Variants in MGA observed in about 807,000 individuals in gnomAD.
MGA encodes the protein MAX gene-associated protein.
Under a neutral mutation model 261.1 loss-of-function variants are expected in MGA, and 40 were observed. The ratio of observed to expected loss-of-function variants is 0.15; its 90% CI spans 0.12 to 0.20. The LOEUF (loss-of-function observed/expected upper bound fraction) is 0.20. Among genes scored for constraint, MGA ranks in the 10% least tolerant of loss-of-function variants. The pLI, the probability that MGA is intolerant of heterozygous loss-of-function variation, is 1.00. For missense variants in MGA, 3,397 were observed against 3,630.5 expected (o/e 0.94, Z 1.65); for synonymous variants, 1,302 against 1,290.6 (o/e 1.01, Z -0.19).
chr15:41,766,563 C>T lies in MGA; in HGVS notation c.8481C>T (p.Leu2827=). 6.2e-7 allele frequency: 1 copy of T among 1,613,940 alleles called. No individual in the cohort carries two copies. Among genetic ancestry groups the T allele is most frequent in the Non-Finnish European group, 8.5e-7 (1 of 1,179,860 alleles). The change falls in exon 24 of 24, where the codon CTC becomes CTT. Residue 2827 remains leucine, a synonymous_variant. Coordinates refer to ENST00000219905, the MANE Select transcript of MGA (RefSeq NM_001164273.2). ...CTGATGAGACACTGACTTCACTGCT[C>T]AATGAAATTGCCTTTCTTAATCAAC...
intron 2 of MGA, among the ~76,000 whole-genome samples, chr15:41,673,170 G>A (rs2150994953): frequency 6.6e-6 from 1 of 152,050 alleles, no homozygotes; most frequent in East Asian, 1.9e-4. Context: ...ATTACATGAA[G>A]GTTATTTCCT....
chr15:41,765,930 AT>A (rs2063775599), intron 23 of MGA, 73 bp from the exon 24 acceptor site: 1 of 1,231,814 alleles, frequency 8.1e-7, no homozygotes, highest in African/African-American at 1.5e-5. Flanking sequence ...TGGTTATATG[AT>A]ATGACAGAGA....
intron 1 of MGA, among the ~76,000 whole-genome samples, chr15:41,635,382 G>A (rs1027803446): frequency 6.8e-6 from 1 of 148,090 alleles, no homozygotes; most frequent in African/African-American, 2.4e-5. Flanking sequence ...GCGGAGATGA[G>A]ACACTAGACA....
chr15:41,667,320 C>T (rs1000148127), intron 1 of MGA, among the ~76,000 whole-genome samples: 86 of 151,782 alleles, frequency 5.7e-4, no homozygotes, highest in African/African-American at 2.0e-3. Context: ...CATCTTGGCT[C>T]GCTGCAACTC....
intron 12 of MGA, among the ~76,000 whole-genome samples, chr15:41,735,906 A>G (rs550155428): frequency 1.7e-4 from 26 of 152,302 alleles, no homozygotes; most frequent in African/African-American, 6.3e-4. Context: ...TTTGTTTGCA[A>G]GCTAACTCTA....
chr15:41,702,376 G>C (rs2059900378), intron 5 of MGA, among the ~76,000 whole-genome samples: 1 of 151,612 alleles, frequency 6.6e-6, no homozygotes, highest in Non-Finnish European at 1.5e-5. Flanking sequence ...AAGTTAATTT[G>C]GCTAAATATT....
chr15:41,678,634 G>T (rs1486977888), intron 2 of MGA, among the ~76,000 whole-genome samples: 1 of 151,500 alleles, frequency 6.6e-6, no homozygotes, highest in Admixed American at 6.6e-5. Context: ...GGGCATGGTG[G>T]CGCACACCTG....
At chr15:41,641,607 A>G (rs2056821456) in intron 1 of MGA, among the ~76,000 whole-genome samples, 2 of 150,008 alleles carry the variant, frequency 1.3e-5, no homozygotes, top group South Asian at 4.2e-4. Context: ...CTCCTGCCTC[A>G]GCCTCCCGAG....
In MGA at chr15:41,696,107, G is replaced by C; in HGVS notation, c.1097G>C (p.Arg366Pro). 6.2e-7 allele frequency: 1 copy of C among 1,612,862 alleles called. No homozygotes were observed. ...GCCAGCAGTTTTGAAGATGACTCCC[G>C]TGTAGCCTCACCGTTAGACCAGAAC... Residue 366 changes from arginine (R) to proline (P), a missense_variant, in exon 3 of 24, where the codon CGT (arginine) becomes CCT (proline). Around this residue, in one of 9 missense-constraint regions of MGA, gnomAD observed 563 missense variants for 563.6 expected, o/e 1.00. Transcript: ENST00000219905.
chr15:41,633,514 A>G (rs2056636998), intron 1 of MGA, among the ~76,000 whole-genome samples: 1 of 152,044 alleles, frequency 6.6e-6, no homozygotes, highest in African/African-American at 2.4e-5. Context: ...GATGTTACAG[A>G]AAAAAATAAA....
At chr15:41,677,406 G>A (rs1370439042) in intron 2 of MGA, among the ~76,000 whole-genome samples, 1 of 152,204 alleles carries the variant, frequency 6.6e-6, no homozygotes, top group African/African-American at 2.4e-5. Context: ...CCTCTCAAGT[G>A]CTGGATTACA....
chr15:41,758,795 CAG>C (rs1308010814), intron 19 of MGA, among the ~76,000 whole-genome samples: 2 of 151,962 alleles, frequency 1.3e-5, no homozygotes, highest in Middle Eastern at 3.2e-3. Flanking sequence ...TGGTTACGGT[CAG>C]AGTTACGATT....
chr15:41,649,761 C>T (rs1163387743), intron 1 of MGA, among the ~76,000 whole-genome samples: 1 of 152,182 alleles, frequency 6.6e-6, no homozygotes, highest in African/African-American at 2.4e-5. Flanking sequence ...CTCACTGCAA[C>T]CTCCGCCTCC....
Position 41,767,629 on chromosome 15 carries a change from T to C in MGA, c.*349T>C, listed in dbSNP as rs1474310970. ...GTTCTTCCCCCACAAGCGAAAGAGC[T>C]GTTTGCAACTTTGGAGTTGCTGTAG... On this transcript the variant is annotated 3_prime_UTR_variant, in exon 24 of 24. Transcript: ENST00000219905. The C allele has an allele frequency of 3.8e-6, 1 of 260,198 alleles. No individual in the cohort carries two copies. Among genetic ancestry groups the C allele is most frequent in the Admixed American group, 4.9e-5 (1 of 20,534 alleles). 16.1% of individuals were successfully genotyped at this position (260,198 alleles called of 1,614,324 possible).
chr15:41,748,253 TAA>T (rs67071175), intron 15 of MGA, among the ~76,000 whole-genome samples: 6 of 147,328 alleles, frequency 4.1e-5, no homozygotes, highest in Non-Finnish European at 4.5e-5. Context: ...CCTGCCTCTT[TAA>T]AAAAAAAAAA....
intron 7 of MGA, 145 bp downstream of exon 7, chr15:41,708,353 T>C: frequency 6.1e-6 from 4 of 660,258 alleles, no homozygotes; most frequent in Non-Finnish European, 1.0e-5. Flanking sequence ...GTTTTGCTCT[T>C]GTTGCCCAGG....
chr15:41,709,483 T>G (rs939241653), intron 7 of MGA, among the ~76,000 whole-genome samples: 6 of 152,230 alleles, frequency 3.9e-5, no homozygotes, highest in Non-Finnish European at 8.8e-5. Flanking sequence ...CTTGCTCCAT[T>G]GCCCAGGTTG....
intron 2 of MGA, among the ~76,000 whole-genome samples, chr15:41,677,362 G>A (rs532528567): frequency 1.3e-5 from 2 of 152,262 alleles, no homozygotes; most frequent in East Asian, 1.9e-4. Context: ...GGCTGGTTTC[G>A]AACTCCTGAC....
At chr15:41,647,579 C>T (rs1349330606) in intron 1 of MGA, among the ~76,000 whole-genome samples, 1 of 152,254 alleles carries the variant, frequency 6.6e-6, no homozygotes, top group East Asian at 1.9e-4. Flanking sequence ...CTATTTTTCT[C>T]TTATTTCTGT....
Sources: allele counts gnomAD v4.1 joint callset (sites outside exome capture counted in the v4.1 genomes callset), GRCh38; gene constraint gnomAD v4.1.1; regional missense constraint gnomAD v4.1.1; transcripts MANE v1.5; gene names NCBI Gene and HGNC (gene_info 2026-07-23, HGNC 2026-07-21).